The following PRKN variants were observed in gnomAD, a reference collection of about 807,000 sequenced individuals.
PRKN encodes the protein parkin RBR E3 ubiquitin protein ligase.
PRKN carries 56 observed loss-of-function variants against 59.5 expected under a neutral mutation model. The ratio of observed to expected loss-of-function variants is 0.94; its 90% CI spans 0.76 to 1.18. The LOEUF (loss-of-function observed/expected upper bound fraction) is 1.18, where lower values mean the gene tolerates loss of function less well. Among genes scored for constraint, PRKN ranks in the 50% most tolerant of loss-of-function variants. The pLI, the probability that PRKN is intolerant of heterozygous loss-of-function variation, is 0.00. For synonymous variants in PRKN, 250 were observed against 222.1 expected, an observed-to-expected ratio of 1.13 and a Z score of -1.12; for missense variants, 657 against 596.4, an observed-to-expected ratio of 1.10 and a Z score of -1.06.
At position 161,386,939 on chromosome 6, in the gene PRKN, T is replaced by G; in HGVS notation, c.1084-62A>C. 1 of 1,323,696 alleles carries G rather than the reference T, an allele frequency of 7.6e-7. No individual in the cohort carries two copies. The highest frequency in any genetic ancestry group is 1.1e-6 in the Non-Finnish European group (1 of 915,032). The allele number at this position is 1,323,696 out of a possible 1,614,324, so 82.0% of individuals were successfully genotyped here. ...AGGTTGCATTTGGCAATAACACATT[T>G]TTCCTTTTCCAAATTCATTATATTC... On this transcript the variant is annotated intron_variant, in intron 9 of 11. Transcript: ENST00000366898. This position sits in a 1 kb window ranked among gnomAD's most constrained non-coding sequence, Gnocchi z 4.3.
chr6:162,619,304 G>C (rs546842041), intron 1 of PRKN, among the ~76,000 whole-genome samples: 1 of 106,728 alleles, frequency 9.4e-6, no homozygotes, highest in Non-Finnish European at 1.9e-5. Flanking sequence ...CACCACACCC[G>C]GCTAATTTTT....
At chr6:161,678,197 T>C (rs933004746) in intron 7 of PRKN, among the ~76,000 whole-genome samples, 2 of 144,440 alleles carry the variant, frequency 1.4e-5, no homozygotes, top group African/African-American at 5.2e-5. Flanking sequence ...GATTTTATGG[T>C]AATAACAATA....
rs1457758505 is a variant in PRKN at position 161,573,685 on chromosome 6, G to A, written c.872-4269C>T. ...CAGTGAGCCGAGATGGCGCCACTGC[G>A]TTCCAGCCTGGGCGACAGAGCGAGA... On this transcript the variant is annotated intron_variant, in intron 7 of 11. Transcript: ENST00000366898. 1.6e-4 allele frequency among the ~76,000 whole-genome samples: 21 copies of A among 127,586 alleles called. No individual in the cohort carries two copies. In the East Asian group the frequency reaches 3.0e-3, roughly 18 times the overall value. 83.7% of individuals were successfully genotyped at this position (127,586 alleles called of 152,430 possible).
chr6:162,359,059 CAAAAA>C (rs71692740), intron 2 of PRKN, among the ~76,000 whole-genome samples: 4 of 92,588 alleles, frequency 4.3e-5, no homozygotes, highest in Admixed American at 1.2e-4. Context: ...CACACTGTGG[CAAAAA>C]AAAAAAAAAA....
intron 2 of PRKN, among the ~76,000 whole-genome samples, chr6:162,322,576 G>T (rs1310129233): frequency 6.6e-6 from 1 of 152,074 alleles, no homozygotes; most frequent in Non-Finnish European, 1.5e-5. Context: ...ATGTGGAATT[G>T]ACATCAAGAT....
intron 6 of PRKN, among the ~76,000 whole-genome samples, chr6:161,873,918 T>C (rs1316340965): frequency 8.0e-6 from 1 of 124,482 alleles, no homozygotes; most frequent in South Asian, 2.3e-4. Context: ...AATATATAAA[T>C]ATATAAAATA....
intron 3 of PRKN, among the ~76,000 whole-genome samples, chr6:162,232,809 C>T (rs766303168): frequency 6.6e-6 from 1 of 151,992 alleles, no homozygotes; most frequent in African/African-American, 2.4e-5. Flanking sequence ...CTGTTTAATG[C>T]CAGTATCTGC....
intron 2 of PRKN, among the ~76,000 whole-genome samples, chr6:162,401,695 T>G (rs1787800182): frequency 6.6e-6 from 1 of 151,920 alleles, no homozygotes. Context: ...AACTTCAAAC[T>G]AATATAAGGA....
intron 7 of PRKN, among the ~76,000 whole-genome samples, chr6:161,621,957 G>A (rs756533984): frequency 4.6e-5 from 7 of 152,066 alleles, no homozygotes; most frequent in Non-Finnish European, 7.4e-5. Flanking sequence ...CTCACCTTCC[G>A]CTTAAGCCAC....
intron 4 of PRKN, among the ~76,000 whole-genome samples, chr6:162,101,575 G>C (rs976619009): frequency 2.0e-5 from 3 of 151,920 alleles, no homozygotes; most frequent in Non-Finnish European, 4.4e-5. Flanking sequence ...GGGAGGCTGA[G>C]GCAGGAGAAT....
rs149846418 is a variant in PRKN, at chr6:161,971,915, C to T, written c.734+1387G>A. Among the ~76,000 whole-genome samples, 3 of 152,216 alleles carry T rather than the reference C, an allele frequency of 2.0e-5. No individual in the cohort carries two copies. The East Asian group carries it at 5.8e-4, about 29-fold the overall frequency. ...TGATTAGGGTATATGACTATTTTTGCTTAAAAGTCTGAAACAATAGATTCT... is the reference window on the plus strand; with the variant it reads ...TGATTAGGGTATATGACTATTTTTGTTTAAAAGTCTGAAACAATAGATTCT... On this transcript the variant is annotated intron_variant, in intron 6 of 11. Coordinates refer to ENST00000366898, the MANE Select transcript of PRKN (RefSeq NM_004562.3).
intron 6 of PRKN, among the ~76,000 whole-genome samples, chr6:161,968,011 T>C (rs1027574375): frequency 1.1e-4 from 17 of 151,992 alleles, no homozygotes; most frequent in African/African-American, 4.1e-4. Context: ...TGATGGACAT[T>C]ATCAGTGTGG....
At chr6:162,725,839 T>A (rs1779144744) in intron 1 of PRKN, among the ~76,000 whole-genome samples, 1 of 152,162 alleles carries the variant, frequency 6.6e-6, no homozygotes, top group East Asian at 1.9e-4. Flanking sequence ...AATATTTTAT[T>A]GCACATTGTC....
At chr6:161,658,030 A>AAAAAAAAAAAAAAAAAAAG (rs781518268) in intron 7 of PRKN, among the ~76,000 whole-genome samples, 29 of 104,856 alleles carry the variant, frequency 2.8e-4, no homozygotes, top group African/African-American at 8.4e-4. Context: ...AAAAAAAAAA[A>AAAAAAAAAAAAAAAAAAAG]AAAAGAAAAG....
intron 6 of PRKN, among the ~76,000 whole-genome samples, chr6:161,957,348 G>T (rs1780207498): frequency 6.6e-6 from 1 of 151,970 alleles, no homozygotes; most frequent in Admixed American, 6.6e-5. Context: ...AAGTTTATAT[G>T]GCAAGCAATC....
In PRKN at chr6:161,348,614, T is replaced by A. The variant is rs1439144247; in HGVS notation, c.*1485A>T. On this transcript the variant is annotated 3_prime_UTR_variant, in exon 12 of 12. Transcript: ENST00000366898. This position sits in a 1 kb window ranked among gnomAD's most constrained non-coding sequence, Gnocchi z 4.9. ...CCAGGATGTGGAAAACTTGAGTTCA[T>A]CCCCTCTCTTCCCTCCAGCAAGGAT... 4.8e-6 allele frequency: 1 copy of A among 207,850 alleles called. No homozygotes were observed. The highest frequency in any genetic ancestry group is 1.9e-4 in the South Asian group (1 of 5,322). 12.9% of individuals were successfully genotyped at this position (207,850 alleles called of 1,614,324 possible).
At chr6:161,855,609 T>G (rs1583252743) in intron 6 of PRKN, among the ~76,000 whole-genome samples, 2 of 38,804 alleles carry the variant, frequency 5.2e-5, no homozygotes, top group Non-Finnish European at 1.1e-4. Context: ...CTGACAACAA[T>G]GTTATGCTAT....
intron 1 of PRKN, among the ~76,000 whole-genome samples, chr6:162,509,331 G>C (rs889143308): frequency 2.0e-5 from 3 of 152,118 alleles, no homozygotes; most frequent in African/African-American, 7.2e-5. Flanking sequence ...TATACATACT[G>C]ATTAAGATTT....
chr6:162,646,581 G>T (rs956387041), intron 1 of PRKN, among the ~76,000 whole-genome samples: 1 of 152,118 alleles, frequency 6.6e-6, no homozygotes, highest in Non-Finnish European at 1.5e-5. Context: ...ACCATGCCCA[G>T]CTGAATTTAT....
Sources: gnomAD v4.1 joint callset for allele counts (sites outside exome capture counted in the v4.1 genomes callset) on GRCh38, gnomAD v4.1.1 for gene constraint, Gnocchi (gnomAD v3.1) non-coding constraint, MANE v1.5 for transcripts, NCBI Gene and HGNC (gene_info 2026-07-23, HGNC 2026-07-21) for gene names.